RNF213: variants seen among roughly 807,000 people sequenced by gnomAD.
RNF213 encodes the protein ring finger protein 213.
Under a neutral mutation model 514.4 loss-of-function variants are expected in RNF213, and 341 were observed. The ratio of observed to expected loss-of-function variants is 0.66; its 90% CI spans 0.61 to 0.73. The LOEUF (loss-of-function observed/expected upper bound fraction) is 0.73, where lower values mean the gene tolerates loss of function less well. Among genes scored for constraint, RNF213 ranks in the 30% least tolerant of loss-of-function variants. The pLI, the probability that RNF213 is intolerant of heterozygous loss-of-function variation, is 0.00. For missense variants in RNF213, 5,767 were observed against 6,615.6 expected (o/e 0.87, Z 4.45); for synonymous variants, 2,655 against 2,658.2 (o/e 1.00, Z 0.04).
intron 21 of RNF213, 22 bp downstream of exon 21, chr17:80,332,653 G>C (rs1162103608): frequency 6.8e-6 from 10 of 1,465,368 alleles, no homozygotes; most frequent in Non-Finnish European, 9.0e-6. Context: ...GCTGGGGACT[G>C]TGGGGGTTTG....
chr17:80,393,869 C>T lies in RNF213; in HGVS notation c.*371C>T, dbSNP rs77473882. 2 of 216,014 alleles carry T rather than the reference C, an allele frequency of 9.3e-6. No individual in the cohort carries two copies. Among genetic ancestry groups the T allele is most frequent in the African/African-American group, 2.4e-5 (1 of 42,240 alleles). 13.4% of individuals were successfully genotyped at this position (216,014 alleles called of 1,614,324 possible). A position where few individuals can be genotyped will look rare whatever the true frequency, so the allele number is the denominator to read the frequency against. On this transcript the variant is annotated 3_prime_UTR_variant, in exon 68 of 68. Coordinates refer to ENST00000582970, the MANE Select transcript of RNF213 (RefSeq NM_001256071.3). ...TTCGCCTCTGGCACTGCCCACCCCT[C>T]TTTTTTTTTTTCTTCTAATTCTGTA...
intron 20 of RNF213, among the ~76,000 whole-genome samples, chr17:80,331,390 C>CTTTT (rs35912728): frequency 7.3e-6 from 1 of 136,344 alleles, no homozygotes; most frequent in Non-Finnish European, 1.6e-5. Context: ...CAGTTTATGA[C>CTTTT]TTTTTTTTTT....
At chr17:80,367,521 A>T (rs1021128687) in intron 42 of RNF213, among the ~76,000 whole-genome samples, 8 of 152,216 alleles carry the variant, frequency 5.3e-5, no homozygotes, top group African/African-American at 1.9e-4. Flanking sequence ...AAAGAAAAAG[A>T]AGAGGGAAAA....
rs758488371 is a variant in RNF213 at position 80,367,800 on chromosome 17, T to C, written c.11924T>C (p.Met3975Thr). Residue 3975 changes from methionine (M) to threonine (T), a missense_variant, in exon 43 of 68, where the codon ATG becomes ACG. Met to Thr is a moderately conservative substitution (Grantham distance 81). This residue lies in a region of RNF213 where 355 missense variants were observed against 358.0 expected (regional missense o/e 0.99). Coordinates refer to ENST00000582970, the MANE Select transcript of RNF213 (RefSeq NM_001256071.3). ...VKTHGPFEAVMRTLCECKETA... is the reference protein window; with the variant it reads ...VKTHGPFEAVTRTLCECKETA... ...ACGCACGGGCCTTTTGAGGCCGTGA[T>C]GCGCACTCTCTGTGAATGCAAGGAG... 2.5e-6 allele frequency: 4 copies of C among 1,614,126 alleles called. No individual in the cohort carries two copies. Among genetic ancestry groups the C allele is most frequent in the Non-Finnish European group, 3.4e-6 (4 of 1,180,046 alleles).
Position 80,352,952 on chromosome 17 carries a change from C to T in RNF213, c.10316C>T (p.Ser3439Phe). The change falls in exon 33 of 68, where the codon TCT (serine) becomes TTT (phenylalanine). Residue 3439 changes from serine (S) to phenylalanine (F), a missense_variant. Around this residue, in one of 13 missense-constraint regions of RNF213, gnomAD observed 919 missense variants for 1,121.0 expected, o/e 0.82. Transcript: ENST00000582970. ...TCACTCTTCACAGGGCTGTGGCAGTCTGTCCACATCGATGACCTCCGGAGA... is the reference window on the plus strand; with the variant it reads ...TCACTCTTCACAGGGCTGTGGCAGTTTGTCCACATCGATGACCTCCGGAGA... Reference protein sequence around the residue: ...YVGFHGGLWQSVHIDDLRRST... With the variant: ...YVGFHGGLWQFVHIDDLRRST... The T allele has an allele frequency of 1.2e-6, 2 of 1,613,934 alleles. No homozygotes were observed. The highest frequency in any genetic ancestry group is 1.7e-6 in the Non-Finnish European group (2 of 1,179,980).
Position 80,288,639 on chromosome 17 carries a change from G to A in RNF213, c.817G>A (p.Asp273Asn). Reference protein sequence around the residue: ...QAGASASMAVDAVAEPANAVK... With the variant: ...QAGASASMAVNAVAEPANAVK... The stretch of plus-strand genomic sequence containing the variant: ...GGTGTTTGGGGTCTTTCAGGCAGTT[G>A]ATGCTGTAGCTGAGCCAGCCAATGC... The change falls in exon 5 of 68, where the codon GAT (aspartate) becomes AAT (asparagine). Residue 273 changes from aspartate (D) to asparagine (N), a missense_variant. This residue lies in a region of RNF213 where 509 missense variants were observed against 496.7 expected (regional missense o/e 1.02). Transcript: ENST00000582970. The surrounding 1 kb of genome is among the most constrained non-coding windows in gnomAD (Gnocchi z 4.9). 6.2e-7 allele frequency: 1 copy of A among 1,614,158 alleles called. No homozygotes were observed. Among genetic ancestry groups the A allele is most frequent in the Non-Finnish European group, 8.5e-7 (1 of 1,180,036 alleles).
rs758486635 is a variant in RNF213 at position 80,372,641 on chromosome 17, G to C, written c.12658G>C (p.Glu4220Gln). The C allele has an allele frequency of 6.2e-7, 1 of 1,614,032 alleles. No homozygotes were observed. Among genetic ancestry groups the C allele is most frequent in the Non-Finnish European group, 8.5e-7 (1 of 1,180,018 alleles). ...PASRGREPANEASVEYLQEVA... is the reference protein window; with the variant it reads ...PASRGREPANQASVEYLQEVA... ...AAGCCGGGGCCGAGAGCCTGCCAAC[G>C]AGGCCTCGGTTGAATACCTGCAAGA... Residue 4220 changes from glutamate to glutamine, a missense_variant, in exon 48 of 68, where the codon GAG becomes CAG. By Grantham distance (29) the Glu-to-Gln change is conservative (BLOSUM62 2). Around this residue, in one of 13 missense-constraint regions of RNF213, gnomAD observed 1,245 missense variants for 1,339.0 expected, o/e 0.93. Coordinates refer to ENST00000582970, the MANE Select transcript of RNF213 (RefSeq NM_001256071.3).
At chr17:80,272,094 C>T (rs2043843240) in intron 2 of RNF213, among the ~76,000 whole-genome samples, 1 of 151,074 alleles carries the variant, frequency 6.6e-6, no homozygotes. Context: ...ACCATCCTGG[C>T]CAAGATGCTG....
At position 80,334,107 on chromosome 17, in the gene RNF213, T is replaced by G. The variant is rs76985739; in HGVS notation, c.4146T>G (p.Thr1382=). The change falls in exon 22 of 68, where the codon ACT becomes ACG. Residue 1382 remains threonine, a splice_region_variant and synonymous_variant. Coordinates refer to ENST00000582970, the MANE Select transcript of RNF213 (RefSeq NM_001256071.3). ...FSVLNTLLNF[T]DNFDDFRRET... is the part of the protein sequence containing the mutation. ...CACAGTAGAGCTTTTTCTTGCAGAC[T>G]GATAACTTCGACGACTTTCGCCGTG... 6,644 of 1,537,222 alleles carry G rather than the reference T, an allele frequency of 4.3e-3. 460 individuals carry two copies. The Admixed American group carries it at 0.12, about 27-fold the overall frequency.
chr17:80,322,529 T>C (rs1419894402), intron 17 of RNF213, among the ~76,000 whole-genome samples: 1 of 151,994 alleles, frequency 6.6e-6, no homozygotes, highest in Non-Finnish European at 1.5e-5. Context: ...TGAGCTGAGA[T>C]TGTGCCACTG....
At position 80,382,981 on chromosome 17, in the gene RNF213, C is replaced by A; in HGVS notation, c.13981C>A (p.Leu4661Ile). 2 of 1,611,452 alleles carry A rather than the reference C, an allele frequency of 1.2e-6. No homozygotes were observed. The highest frequency in any genetic ancestry group is 1.7e-6 in the Non-Finnish European group (2 of 1,177,722). ...ACACATTTGGAGTTTTTTTGTAGGG[C>A]TTTTAAATTTTGACACAGAATTGTC... ...QEQHQLSSRR[L>I]LNFDTELSTK... The change falls in exon 58 of 68, where the codon CTT becomes ATT. Residue 4661 changes from leucine (L) to isoleucine (I), a missense_variant and splice_region_variant. Coordinates refer to ENST00000582970, the MANE Select transcript of RNF213 (RefSeq NM_001256071.3).
intron 38 of RNF213, among the ~76,000 whole-genome samples, 176 bp from the exon 39 acceptor site, chr17:80,361,558 C>T (rs1243095443): frequency 6.6e-6 from 1 of 152,142 alleles, no homozygotes; most frequent in Non-Finnish European, 1.5e-5. Context: ...TCCTAAATGT[C>T]TAGACAGTGA....
intron 55 of RNF213, 85 bp downstream of exon 55, chr17:80,379,799 A>C: frequency 9.2e-7 from 1 of 1,085,460 alleles, no homozygotes; most frequent in Non-Finnish European, 1.4e-6. Flanking sequence ...AGTGATACTC[A>C]AGATAGTACT....
At chr17:80,301,030 C>A (rs1369582484) in intron 11 of RNF213, among the ~76,000 whole-genome samples, 4 of 151,934 alleles carry the variant, frequency 2.6e-5, no homozygotes, top group Non-Finnish European at 5.9e-5. Flanking sequence ...CTTATAGATG[C>A]TGGATATTAC....
At chr17:80,383,555 G>T in intron 58 of RNF213, 122 bp from the exon 59 acceptor site, 1 of 969,782 alleles carries the variant, frequency 1.0e-6, no homozygotes, top group Non-Finnish European at 1.6e-6. Flanking sequence ...CTGATTACAT[G>T]CTCAGAGCAG....
Position 80,345,918 on chromosome 17 carries a change from G to A in RNF213, c.7583G>A (p.Arg2528Gln), listed in dbSNP as rs202143169. 1.4e-4 allele frequency: 229 copies of A among 1,614,190 alleles called. 2 individuals carry two copies. Among genetic ancestry groups the A allele is most frequent in the Middle Eastern group, 6.6e-4 (4 of 6,062 alleles). ...LHIIAACNPY[R>Q]KHSEEMICRL... is the part of the protein sequence containing the mutation. ...ATTATAGCTGCCTGCAATCCATACC[G>A]GAAGCACTCTGAGGAGATGATCTGC... Residue 2528 changes from arginine to glutamine, a missense_variant, in exon 29 of 68, where the codon CGG (arginine) becomes CAG (glutamine). Physicochemically the swap from Arg to Gln is conservative, Grantham distance 43 (BLOSUM62 1). Transcript: ENST00000582970. The surrounding 1 kb of genome is among the most constrained non-coding windows in gnomAD (Gnocchi z 6.0).
In RNF213 at chr17:80,264,704, C is replaced by T. The variant is rs1027316981; in HGVS notation, c.97+926C>T. Among the ~76,000 whole-genome samples the T allele has an allele frequency of 7.9e-5, 12 of 152,142 alleles. No homozygotes were observed. The highest frequency in any genetic ancestry group is 6.6e-4 in the Admixed American group (10 of 15,256). ...CTGCCTTCCTGCTTCCTGCTCAGCACAGCAGACAGTCAAACCACAGACCCC... is the reference window on the plus strand; with the variant it reads ...CTGCCTTCCTGCTTCCTGCTCAGCATAGCAGACAGTCAAACCACAGACCCC... On this transcript the variant is annotated intron_variant, in intron 2 of 67. Transcript: ENST00000582970. This position sits in a 1 kb window ranked among gnomAD's most constrained non-coding sequence, Gnocchi z 5.0.
In RNF213 at chr17:80,377,581, AACAT is replaced by A. The variant is rs542502765; in HGVS notation, c.13511-176_13511-173del. 248 of 726,534 alleles carry A rather than the reference AACAT, an allele frequency of 3.4e-4. 1 individual carries two copies. In the South Asian group the frequency reaches 3.5e-3, roughly 10 times the overall value. 45.0% of individuals were successfully genotyped at this position (726,534 alleles called of 1,614,324 possible). A position where few individuals can be genotyped will look rare whatever the true frequency, so the allele number is the denominator to read the frequency against. Reference sequence around the variant, plus strand: ...TTAGACTCAGACATTTTTCACTGACAACATACATTTATTAAGCTTCAGGCAGGTG... The same window carrying A: ...TTAGACTCAGACATTTTTCACTGACAACATTTATTAAGCTTCAGGCAGGTG... On this transcript the variant is annotated intron_variant, in intron 53 of 67. Transcript: ENST00000582970. The surrounding 1 kb of genome is among the most constrained non-coding windows in gnomAD (Gnocchi z 4.1).
rs371930100 is a variant in RNF213, at chr17:80,314,328, ATGGTGG to A, written c.2811+1177_2811+1182del. Reference sequence around the variant, plus strand: ...CGTGATGGTGGAGGTAATGGAGGTGATGGTGGTGGTGGTGGTGGTGGAGGTACTGGA... The same window carrying A: ...CGTGATGGTGGAGGTAATGGAGGTGATGGTGGTGGTGGTGGAGGTACTGGA... On this transcript the variant is annotated intron_variant, in intron 15 of 67. Transcript: ENST00000582970. 1.5e-3 allele frequency among the ~76,000 whole-genome samples: 11 copies of A among 7,142 alleles called. 1 individual carries two copies. Among genetic ancestry groups the A allele is most frequent in the Non-Finnish European group, 2.5e-3 (8 of 3,186 alleles). 4.7% of individuals were successfully genotyped at this position (7,142 alleles called of 152,430 possible).
Sources: allele counts gnomAD v4.1 joint callset (sites outside exome capture counted in the v4.1 genomes callset), GRCh38; gene constraint gnomAD v4.1.1; regional missense constraint gnomAD v4.1.1; non-coding constraint Gnocchi (gnomAD v3.1); transcripts MANE v1.5; gene names NCBI Gene and HGNC (gene_info 2026-07-23, HGNC 2026-07-21).